Variants in ZDHHC15 observed in about 807,000 individuals in gnomAD.
The protein encoded by ZDHHC15 is zDHHC palmitoyltransferase 15, also known as palmitoyltransferase ZDHHC15.
In ZDHHC15, 19 loss-of-function variants were observed where a neutral mutation model predicts 31.7. That is an observed-to-expected ratio of 0.60 (90% CI 0.42 to 0.88). ZDHHC15 has a LOEUF of 0.88. Among genes scored for constraint, ZDHHC15 ranks in the 40% least tolerant of loss-of-function variants. ZDHHC15 has a pLI of 0.00. For synonymous variants in ZDHHC15, 103 were observed against 90.0 expected, an observed-to-expected ratio of 1.14 and a Z score of -0.82; for missense variants, 209 against 251.2, an observed-to-expected ratio of 0.83 and a Z score of 1.14.
chrX:75,497,836 G>A (rs1203584335), intron 2 of ZDHHC15, among the ~76,000 whole-genome samples: 3 of 110,496 alleles, frequency 2.7e-5, no homozygotes, highest in Admixed American at 9.7e-5. Context: ...TTATGGCAAC[G>A]AAAGCCATCT....
intron 10 of ZDHHC15, among the ~76,000 whole-genome samples, chrX:75,405,414 T>C (rs749869841): frequency 1.8e-5 from 2 of 111,489 alleles, no homozygotes; most frequent in Admixed American, 9.5e-5. Context: ...GACCTAACTA[T>C]GTTGCCTACA....
At chrX:75,468,341 G>A (rs964936590) in intron 3 of ZDHHC15, among the ~76,000 whole-genome samples, 2 of 111,769 alleles carry the variant, frequency 1.8e-5, no homozygotes, top group African/African-American at 6.5e-5. Flanking sequence ...CACGAGCCCA[G>A]CCCTGGCATA....
At chrX:75,451,578 T>G (rs2084118966) in intron 3 of ZDHHC15, among the ~76,000 whole-genome samples, 1 of 111,908 alleles carries the variant, frequency 8.9e-6, no homozygotes, top group African/African-American at 3.2e-5. Flanking sequence ...ATTCTATCTG[T>G]GCCGAAGGGT....
At chrX:75,422,864 T>G (rs951666490) in intron 8 of ZDHHC15, among the ~76,000 whole-genome samples, 3 of 108,685 alleles carry the variant, frequency 2.8e-5, no homozygotes, top group Non-Finnish European at 5.7e-5. Context: ...TGCAGGTTAG[T>G]TACATATGTA....
At chrX:75,445,058 T>C (rs949147534) in intron 4 of ZDHHC15, among the ~76,000 whole-genome samples, 2 of 110,463 alleles carry the variant, frequency 1.8e-5, no homozygotes, top group African/African-American at 6.6e-5. Flanking sequence ...CTTTCCTGGG[T>C]CTCCATCTCA....
At chrX:75,487,582 G>T (rs1188524333) in intron 2 of ZDHHC15, among the ~76,000 whole-genome samples, 1 of 111,825 alleles carries the variant, frequency 8.9e-6, no homozygotes, top group Non-Finnish European at 1.9e-5. Flanking sequence ...CAAATAAGAA[G>T]GAACCAGAAA....
intron 10 of ZDHHC15, among the ~76,000 whole-genome samples, chrX:75,400,490 C>T (rs1175920003): frequency 1.4e-4 from 15 of 111,095 alleles, no homozygotes; most frequent in African/African-American, 4.2e-4. Flanking sequence ...TGTAAAGAGG[C>T]CAAAGCTACA....
chrX:75,477,772 A>C (rs1019553494), intron 3 of ZDHHC15, among the ~76,000 whole-genome samples: 1 of 111,932 alleles, frequency 8.9e-6, no homozygotes, highest in Admixed American at 9.5e-5. Context: ...AGACTTTTGT[A>C]AACAGTATAA....
chrX:75,451,123 AT>A (rs1281431000), intron 3 of ZDHHC15, among the ~76,000 whole-genome samples: 1 of 111,896 alleles, frequency 8.9e-6, no homozygotes, highest in Non-Finnish European at 1.9e-5. Flanking sequence ...AGATATGTGT[AT>A]TTTTTAATAA....
chrX:75,444,371 A>G (rs12844315), intron 4 of ZDHHC15, among the ~76,000 whole-genome samples: 1,181 of 104,813 alleles, frequency 0.011, 8 homozygotes, highest in Non-Finnish European at 0.017. Context: ...CACAAGGACA[A>G]GAAACCAAAC....
In ZDHHC15 at chrX:75,431,511, A is replaced by T. The variant is rs144514141; in HGVS notation, c.389T>A (p.Phe130Tyr). Residue 130 changes from phenylalanine to tyrosine, a missense_variant, in exon 5 of 12, where the codon TTC becomes TAC. Phe to Tyr is a conservative substitution (Grantham distance 22). Transcript: ENST00000373367. ...YTRTGSGAVR[F>Y]CDRCHLIKPD... ...CTTGATCAGATGACACCGGTCACAG[A>T]ATCGTACAGCTATAAAAAAAAAAAT... is the stretch of plus-strand genomic sequence containing the variant. 1.3e-3 allele frequency: 1,510 copies of T among 1,205,851 alleles called. 12 individuals are homozygous for T. The Admixed American group carries it at 0.025, about 20-fold the overall frequency.
intron 10 of ZDHHC15, among the ~76,000 whole-genome samples, chrX:75,406,363 T>C (rs1226610775): frequency 9.0e-6 from 1 of 110,612 alleles, no homozygotes; most frequent in Non-Finnish European, 1.9e-5. Context: ...CAGAAACAAA[T>C]AAAATTAATA....
intron 3 of ZDHHC15, among the ~76,000 whole-genome samples, chrX:75,470,853 A>G (rs1479974418): frequency 3.6e-5 from 4 of 111,530 alleles, no homozygotes; most frequent in African/African-American, 6.5e-5. Context: ...GACCAAATGG[A>G]AGCCATTAGA....
intron 7 of ZDHHC15, among the ~76,000 whole-genome samples, chrX:75,427,228 A>G (rs972912674): frequency 9.0e-6 from 1 of 111,194 alleles, no homozygotes; most frequent in Non-Finnish European, 1.9e-5. Context: ...TTTTCATTTT[A>G]GGACAAGCCA....
intron 3 of ZDHHC15, among the ~76,000 whole-genome samples, chrX:75,466,169 G>C (rs2084402649): frequency 1.8e-5 from 2 of 111,885 alleles, no homozygotes; most frequent in African/African-American, 6.5e-5. Context: ...AGAAGACATA[G>C]ATGTGGCCAA....
chrX:75,414,426 C>CTTTTTTTTTTTTT (rs1177332052), intron 10 of ZDHHC15, among the ~76,000 whole-genome samples: 10 of 66,198 alleles, frequency 1.5e-4, no homozygotes, highest in East Asian at 5.7e-4. Context: ...CATATTTTAT[C>CTTTTTTTTTTTTT]TTTTTTTTTT....
At chrX:75,489,419 C>T (rs2084833988) in intron 2 of ZDHHC15, among the ~76,000 whole-genome samples, 1 of 111,732 alleles carries the variant, frequency 8.9e-6, no homozygotes, top group Non-Finnish European at 1.9e-5. Flanking sequence ...CAGGCAGCAA[C>T]ATTTGCTGCT....
intron 9 of ZDHHC15, among the ~76,000 whole-genome samples, chrX:75,421,557 T>C (rs1602598256): frequency 1.1e-5 from 1 of 87,408 alleles, no homozygotes; most frequent in East Asian, 3.6e-4. Flanking sequence ...TAGGGTAGAT[T>C]CAATTCCCAG....
intron 3 of ZDHHC15, among the ~76,000 whole-genome samples, chrX:75,472,266 T>C (rs771138696): frequency 2.7e-5 from 3 of 111,444 alleles, no homozygotes; most frequent in Admixed American, 9.6e-5. Flanking sequence ...GGTTCACAGA[T>C]GGTTCTACAC....
Sources: gnomAD v4.1 joint callset for allele counts (sites outside exome capture counted in the v4.1 genomes callset) on GRCh38, gnomAD v4.1.1 for gene constraint, MANE v1.5 for transcripts, NCBI Gene and HGNC (gene_info 2026-07-23, HGNC 2026-07-21) for gene names.